VPS41: variants seen among roughly 807,000 people sequenced by gnomAD.
VPS41 encodes VPS41 subunit of HOPS complex, also known as vacuolar protein sorting-associated protein 41 homolog.
A neutral mutation model predicts 130.9 loss-of-function variants in VPS41; 85 were observed. The ratio of observed to expected loss-of-function variants is 0.65; its 90% CI spans 0.55 to 0.78. The LOEUF is 0.78. Among genes scored for constraint, VPS41 ranks in the 30% least tolerant of loss-of-function variants. The probability of loss-of-function intolerance (pLI) is 0.00; values close to 1 mark genes in which losing one functional copy is unlikely to be tolerated. For synonymous variants in VPS41, 335 were observed against 332.9 expected, an observed-to-expected ratio of 1.01 and a Z score of -0.07; for missense variants, 874 against 1,018.7, an observed-to-expected ratio of 0.86 and a Z score of 1.93.
chr7:38,803,104 T>C (rs1859936), intron 7 of VPS41, among the ~76,000 whole-genome samples: 6,160 of 152,324 alleles, frequency 0.04, 141 homozygotes, highest in African/African-American at 0.052. Context: ...CTCTGTTTTG[T>C]GCTGATAAAT....
chr7:38,736,970 T>C (rs1031656401), intron 25 of VPS41, among the ~76,000 whole-genome samples: 2 of 152,192 alleles, frequency 1.3e-5, no homozygotes, highest in African/African-American at 4.8e-5. Context: ...TTATTTTCAA[T>C]ATGCAGAGAT....
At chr7:38,896,225 C>T (rs766816089) in intron 2 of VPS41, among the ~76,000 whole-genome samples, 4 of 152,200 alleles carry the variant, frequency 2.6e-5, no homozygotes, top group Non-Finnish European at 5.9e-5. Context: ...CTGTCTGATT[C>T]TGTACCAATG....
intron 25 of VPS41, 35 bp downstream of exon 25, chr7:38,741,950 T>C (rs1438610521): frequency 8.7e-6 from 14 of 1,610,584 alleles, no homozygotes; most frequent in Non-Finnish European, 1.2e-5. Flanking sequence ...AGTCAACTAA[T>C]TCAGATGCTC....
At chr7:38,801,980 A>G (rs572957219) in intron 7 of VPS41, among the ~76,000 whole-genome samples, 19 of 152,322 alleles carry the variant, frequency 1.2e-4, no homozygotes, top group African/African-American at 3.1e-4. Flanking sequence ...TAAAGAACCC[A>G]ATGACTAATT....
intron 5 of VPS41, among the ~76,000 whole-genome samples, chr7:38,825,498 A>T (rs1344355507): frequency 1.3e-5 from 2 of 152,106 alleles, no homozygotes; most frequent in African/African-American, 4.8e-5. Flanking sequence ...TGAAAATCAC[A>T]CTTATCTGTA....
chr7:38,760,452 T>C (rs1253772257), intron 17 of VPS41, among the ~76,000 whole-genome samples: 2 of 152,160 alleles, frequency 1.3e-5, no homozygotes, highest in Admixed American at 1.3e-4. Flanking sequence ...GAATGCATAA[T>C]TGACTTTTTC....
intron 1 of VPS41, 75 bp from the exon 2 acceptor site, chr7:38,898,204 C>T: frequency 7.9e-7 from 1 of 1,269,388 alleles, no homozygotes; most frequent in Non-Finnish European, 1.1e-6. Context: ...AAAGAGTCCT[C>T]ATGTTCCTAC....
intron 7 of VPS41, among the ~76,000 whole-genome samples, chr7:38,812,792 A>G (rs540966546): frequency 6.6e-6 from 1 of 152,316 alleles, no homozygotes; most frequent in Non-Finnish European, 1.5e-5. Context: ...AAACATGGTC[A>G]ACATCATCAG....
intron 25 of VPS41, among the ~76,000 whole-genome samples, chr7:38,729,735 G>A (rs907304463): frequency 2.0e-5 from 3 of 152,072 alleles, no homozygotes; most frequent in African/African-American, 4.8e-5. Context: ...CTGGAGGCAC[G>A]ATGGGGTCCA....
chr7:38,743,269 C>T, intron 24 of VPS41, 133 bp downstream of exon 24: 1 of 947,968 alleles, frequency 1.1e-6, no homozygotes, highest in South Asian at 1.7e-5. Context: ...TTACAACACA[C>T]CTGGCCTATT....
At position 38,724,671 on chromosome 7, in the gene VPS41, A is replaced by C. The variant is rs148188669; in HGVS notation, c.*1575T>G. The C allele has an allele frequency of 0.023, 3,510 of 150,744 alleles. 83 individuals carry two copies. Among genetic ancestry groups the C allele is most frequent in the South Asian group, 0.072 (342 of 4,762 alleles). The allele number at this position is 150,744 out of a possible 1,614,324, so 9.3% of individuals were successfully genotyped here. ...TGCAATGGCGCGATCTCAGCTCACC[A>C]CAACCTACGTCTCCTGGGGTCAAGT... On this transcript the variant is annotated 3_prime_UTR_variant, in exon 29 of 29. Coordinates refer to ENST00000310301, the MANE Select transcript of VPS41 (RefSeq NM_014396.4).
At position 38,776,679 on chromosome 7, in the gene VPS41, C is replaced by T. The variant is rs201222685; in HGVS notation, c.882G>A (p.Thr294=). 3 of 1,577,544 alleles carry T rather than the reference C, an allele frequency of 1.9e-6. No individual in the cohort carries two copies. The highest frequency in any genetic ancestry group is 2.2e-5 in the East Asian group (1 of 44,568). ...TTGTATCTGGGGAGAAAATAATTAC[C>T]GTTTTTTCTGAAATCTCCTTTACAT... The part of the protein sequence containing the change: ...LSYVKEISEK[T]EREYCARPRL... The change falls in exon 11 of 29, where the codon ACG becomes ACA. Residue 294 remains threonine, a splice_region_variant and synonymous_variant. Coordinates refer to ENST00000310301, the MANE Select transcript of VPS41 (RefSeq NM_014396.4).
intron 2 of VPS41, among the ~76,000 whole-genome samples, chr7:38,885,496 C>T (rs1035461013): frequency 6.6e-6 from 1 of 152,194 alleles, no homozygotes; most frequent in African/African-American, 2.4e-5. Context: ...TCCTGCACTA[C>T]TAATTCTACT....
chr7:38,837,768 G>A (rs1785526978), intron 4 of VPS41, among the ~76,000 whole-genome samples: 1 of 152,166 alleles, frequency 6.6e-6, no homozygotes, highest in Admixed American at 6.5e-5. Context: ...CTATGTGACT[G>A]GAAGCAGATA....
chr7:38,765,279 T>C (rs1413116646), intron 16 of VPS41, among the ~76,000 whole-genome samples: 1 of 152,118 alleles, frequency 6.6e-6, no homozygotes, highest in East Asian at 1.9e-4. Context: ...TATAACCTAC[T>C]GGATGAGATT....
In VPS41 at chr7:38,795,585, T is replaced by C. The variant is rs1451241468; in HGVS notation, c.597A>G (p.Ser199=). The stretch of plus-strand genomic sequence containing the variant: ...GGGGCACATTGGTGATTCTTTGCTT[T>C]GAGATGATGTCAAAAATCTTCACAC... ...NMGVKIFDII[S]KQRITNVPRD... is the part of the protein sequence containing the mutation. The change falls in exon 9 of 29, where the codon TCA becomes TCG. Residue 199 remains serine (S), a synonymous_variant. Coordinates refer to ENST00000310301, the MANE Select transcript of VPS41 (RefSeq NM_014396.4). 6.2e-7 allele frequency: 1 copy of C among 1,612,070 alleles called. No homozygotes were observed. The highest frequency in any genetic ancestry group is 2.2e-5 in the East Asian group (1 of 44,772).
chr7:38,785,822 G>A (rs900392768), intron 10 of VPS41, among the ~76,000 whole-genome samples: 1 of 152,046 alleles, frequency 6.6e-6, no homozygotes, highest in African/African-American at 2.4e-5. Flanking sequence ...AATTCCAAAG[G>A]TCACCCAAGG....
intron 2 of VPS41, among the ~76,000 whole-genome samples, chr7:38,892,493 C>G (rs1427704210): frequency 6.6e-6 from 1 of 152,198 alleles, no homozygotes; most frequent in Non-Finnish European, 1.5e-5. Flanking sequence ...TCAGGGTAGA[C>G]TTCTCACACG....
In VPS41 at chr7:38,741,975, G is replaced by A; in HGVS notation, c.2259+10C>T. ...TTCAGATGCTCATTTGTCCAAGAAA[G>A]GATACTTACTTGCAAATTGTAGTCT... is the stretch of plus-strand genomic sequence containing the variant. On this transcript the variant is annotated intron_variant, in intron 25 of 28. Transcript: ENST00000310301. The A allele has an allele frequency of 6.2e-7, 1 of 1,612,456 alleles. No individual in the cohort carries two copies. The highest frequency in any genetic ancestry group is 1.3e-5 in the African/African-American group (1 of 74,970).
Sources: gnomAD v4.1 joint callset for allele counts (sites outside exome capture counted in the v4.1 genomes callset) on GRCh38, gnomAD v4.1.1 for gene constraint, MANE v1.5 for transcripts, NCBI Gene and HGNC (gene_info 2026-07-23, HGNC 2026-07-21) for gene names.